Variants in BLK observed in about 807,000 individuals in gnomAD.
BLK encodes the protein tyrosine-protein kinase Blk.
A neutral mutation model predicts 61.8 loss-of-function variants in BLK; 64 were observed. That is an observed-to-expected ratio of 1.03 (90% CI 0.85 to 1.27). The LOEUF is 1.27. BLK is among the 50% of genes most tolerant of loss of function. The pLI is 0.00. For missense variants in BLK, 853 were observed against 660.5 expected, an observed-to-expected ratio of 1.29 and a Z score of -3.19; for synonymous variants, 351 against 272.0, an observed-to-expected ratio of 1.29 and a Z score of -2.86.
chr8:11,529,547 G>T (rs186219352), intron 1 of BLK, among the ~76,000 whole-genome samples: 1 of 152,254 alleles, frequency 6.6e-6, no homozygotes, highest in East Asian at 1.9e-4. Context: ...GAGCAGTTTG[G>T]GGGGTGGGAG....
chr8:11,560,550 G>A (rs555217807), intron 10 of BLK: 59 of 282,958 alleles, frequency 2.1e-4, no homozygotes, highest in African/African-American at 8.2e-4. Context: ...CAGTTTCTTC[G>A]TCCATTGATT....
intron 1 of BLK, among the ~76,000 whole-genome samples, chr8:11,535,261 G>GAAGAAAGAAAGAAGAAAGA (rs1800070885): frequency 9.1e-6 from 1 of 110,454 alleles, no homozygotes; most frequent in Non-Finnish European, 1.8e-5. Context: ...AAGAAAGAAA[G>GAAGAAAGAAAGAAGAAAGA]AAGAAAGAAA....
At chr8:11,557,431 G>A (rs1011589439) in intron 9 of BLK, among the ~76,000 whole-genome samples, 1 of 152,184 alleles carries the variant, frequency 6.6e-6, no homozygotes, top group Non-Finnish European at 1.5e-5. Flanking sequence ...CTGTGCTGGG[G>A]GTGCCTCTAG....
chr8:11,543,628 G>A (rs1044530513), intron 2 of BLK, among the ~76,000 whole-genome samples: 1 of 152,114 alleles, frequency 6.6e-6, no homozygotes. Context: ...GAAGGATCCG[G>A]GTATCTAGCT....
chr8:11,549,994 G>A (rs1800825019), intron 5 of BLK, 165 bp from the exon 6 acceptor site: 1 of 693,162 alleles, frequency 1.4e-6, no homozygotes, highest in Non-Finnish European at 2.6e-6. Flanking sequence ...GGGGCAGAGG[G>A]CACTGACTCC....
chr8:11,505,137 T>A (rs968038323), intron 1 of BLK, among the ~76,000 whole-genome samples: 2 of 152,110 alleles, frequency 1.3e-5, no homozygotes, highest in Admixed American at 1.3e-4. Flanking sequence ...TACATGCTTA[T>A]CAAAAACAAC....
At chr8:11,546,129 A>G (rs765245967) in intron 3 of BLK, 26 bp downstream of exon 3, 11 of 1,613,552 alleles carry the variant, frequency 6.8e-6, no homozygotes, top group Non-Finnish European at 9.3e-6. Context: ...TGGGAAGCTG[A>G]GGCTCCACAG....
rs1290251787 is a variant in BLK at position 11,549,026 on chromosome 8, C to G, written c.272C>G (p.Thr91Ser). The G allele has an allele frequency of 1.9e-6, 3 of 1,607,460 alleles. No individual in the cohort carries two copies. Among genetic ancestry groups the G allele is most frequent in the Non-Finnish European group, 1.7e-6 (2 of 1,177,116 alleles). The part of the protein sequence containing the change: ...KGEKLQVLKG[T>S]GDWWLARSLV... ...TCTGTTTCCCCTGCTCCCATTAGAACTGGAGACTGGTGGCTGGCCAGGTCA... is the reference window on the plus strand; with the variant it reads ...TCTGTTTCCCCTGCTCCCATTAGAAGTGGAGACTGGTGGCTGGCCAGGTCA... The change falls in exon 5 of 13, where the codon ACT becomes AGT. Residue 91 changes from threonine to serine, a missense_variant and splice_region_variant. Transcript: ENST00000259089.
rs1798287926 is a variant in BLK, at chr8:11,494,396, G to T, written c.-197G>T. ...GGGAGGCTCTGATCGCAGACCGGGGGTGCTGCCACCTCTGTCTGCTGCCGG... is the reference window on the plus strand; with the variant it reads ...GGGAGGCTCTGATCGCAGACCGGGGTTGCTGCCACCTCTGTCTGCTGCCGG... On this transcript the variant is annotated 5_prime_UTR_variant, in exon 1 of 13. Coordinates refer to ENST00000259089, the MANE Select transcript of BLK (RefSeq NM_001715.3). 6.6e-6 allele frequency: 1 copy of T among 152,316 alleles called. No individual in the cohort carries two copies. Among genetic ancestry groups the T allele is most frequent in the African/African-American group, 2.4e-5 (1 of 41,458 alleles). The allele number at this position is 152,316 out of a possible 1,614,324, so 9.4% of individuals were successfully genotyped here.
In BLK at chr8:11,564,288, C is replaced by G. The variant is rs1801627699; in HGVS notation, c.*180C>G. The G allele has an allele frequency of 3.9e-6, 3 of 769,382 alleles. No homozygotes were observed. In the East Asian group the frequency reaches 8.0e-5, roughly 21 times the overall value. 47.7% of individuals were successfully genotyped at this position (769,382 alleles called of 1,614,324 possible). On this transcript the variant is annotated 3_prime_UTR_variant, in exon 13 of 13. Coordinates refer to ENST00000259089, the MANE Select transcript of BLK (RefSeq NM_001715.3). ...GACGGACTCCTTCACCGACTGCACC[C>G]CCGGGCGAGTTACGCGGCCTCTCTG...
chr8:11,515,415 T>C (rs1027509082), intron 1 of BLK, among the ~76,000 whole-genome samples: 1 of 152,188 alleles, frequency 6.6e-6, no homozygotes, highest in Non-Finnish European at 1.5e-5. Context: ...GCCATGTCAG[T>C]GGCTCCACCT....
Position 11,561,322 on chromosome 8 carries a change from C to T in BLK, c.1050C>T (p.Tyr350=), listed in dbSNP as rs778018964. Residue 350 remains tyrosine (Y), a synonymous_variant, in exon 11 of 13, where the codon TAC becomes TAT. Transcript: ENST00000259089. ...MSAQIAEGMA[Y]IERMNSIHRD... ...CTCAGATTGCTGAAGGGATGGCATACATTGAGCGCATGAATTCCATCCACC... is the reference window on the plus strand; with the variant it reads ...CTCAGATTGCTGAAGGGATGGCATATATTGAGCGCATGAATTCCATCCACC... 8.1e-6 allele frequency: 13 copies of T among 1,613,754 alleles called. No homozygotes were observed. Among genetic ancestry groups the T allele is most frequent in the African/African-American group, 1.3e-5 (1 of 74,940 alleles).
At chr8:11,543,637 C>G (rs926104032) in intron 2 of BLK, among the ~76,000 whole-genome samples, 1 of 152,160 alleles carries the variant, frequency 6.6e-6, no homozygotes. Context: ...GGGTATCTAG[C>G]TGCAGCTACT....
chr8:11,510,762 G>C (rs1798968374), intron 1 of BLK, among the ~76,000 whole-genome samples: 1 of 150,406 alleles, frequency 6.6e-6, no homozygotes, highest in Admixed American at 6.7e-5. Context: ...CAGGATGACA[G>C]AGACTCCATC....
intron 1 of BLK, among the ~76,000 whole-genome samples, chr8:11,500,571 A>T (rs910820332): frequency 6.6e-6 from 1 of 151,374 alleles, no homozygotes; most frequent in Non-Finnish European, 1.5e-5. Flanking sequence ...GCTGGAGTGC[A>T]GTGGTGTAAT....
At chr8:11,532,616 G>A (rs980787478) in intron 1 of BLK, among the ~76,000 whole-genome samples, 29 of 152,016 alleles carry the variant, frequency 1.9e-4, no homozygotes, top group African/African-American at 6.8e-4. Context: ...ATTGCTTTCA[G>A]TTATATATTT....
intron 1 of BLK, among the ~76,000 whole-genome samples, chr8:11,533,599 GAGGAGA>G (rs146481940): frequency 0.13 from 18,890 of 143,984 alleles, 1,680 homozygotes; most frequent in East Asian, 0.26. Flanking sequence ...GGAGGAGGAG[GAGGAGA>G]AGGAGGAGGA....
chr8:11,553,496 G>A, intron 6 of BLK: 1 of 361,482 alleles, frequency 2.8e-6, no homozygotes. Context: ...CAAGTGAGGG[G>A]TCTAAAGCAC....
intron 4 of BLK, 113 bp from the exon 5 acceptor site, chr8:11,548,911 C>G: frequency 1.1e-6 from 1 of 945,432 alleles, no homozygotes. Flanking sequence ...ACTCTCTACC[C>G]CTGCGGATTC....
Sources: gnomAD v4.1 joint callset for allele counts (sites outside exome capture counted in the v4.1 genomes callset) on GRCh38, gnomAD v4.1.1 for gene constraint, MANE v1.5 for transcripts, NCBI Gene and HGNC (gene_info 2026-07-23, HGNC 2026-07-21) for gene names.